The following IFT74 variants were observed in gnomAD, a reference collection of about 807,000 sequenced individuals.
The protein encoded by IFT74 is intraflagellar transport 74, also known as intraflagellar transport protein 74 homolog.
Under a neutral mutation model 96.7 loss-of-function variants are expected in IFT74, and 92 were observed. The observed-to-expected ratio is 0.95, with a 90% CI of 0.80 to 1.13. IFT74 has a LOEUF of 1.13. Ranked by LOEUF, IFT74 falls within the 50% of genes most tolerant of loss-of-function variation. IFT74 has a pLI of 0.00. For missense variants in IFT74, 811 were observed against 698.2 expected (o/e 1.16, Z -1.82); for synonymous variants, 223 against 213.2 (o/e 1.05, Z -0.40).
intron 1 of IFT74, among the ~76,000 whole-genome samples, chr9:26,960,216 G>A (rs1480008885): frequency 6.6e-6 from 1 of 151,468 alleles, no homozygotes; most frequent in Admixed American, 6.6e-5. Flanking sequence ...TGCTTTCTGG[G>A]CCTTAATTTT....
At chr9:27,048,012 T>G (rs768634907) in intron 15 of IFT74, 136 bp from the exon 16 acceptor site, 5 of 484,998 alleles carry the variant, frequency 1.0e-5, no homozygotes, top group Admixed American at 8.2e-5. Context: ...CTATACAATA[T>G]ATAACTTGAA....
rs754447168 is a variant in IFT74 at position 26,980,623 on chromosome 9, T to G, written c.305+4T>G. 6.3e-7 allele frequency: 1 copy of G among 1,575,618 alleles called. No individual in the cohort carries two copies. The highest frequency in any genetic ancestry group is 1.7e-5 in the Admixed American group (1 of 59,378). On this transcript the variant is annotated splice_donor_region_variant and intron_variant, in intron 4 of 19. Coordinates refer to ENST00000380062, the MANE Select transcript of IFT74 (RefSeq NM_025103.4). The stretch of plus-strand genomic sequence containing the variant: ...CTTACTATCTTGGGCTTCTTAGGTA[T>G]GTTAAACATATCTTTTCATCCGTAT...
At chr9:27,027,377 C>T (rs1239077047) in intron 12 of IFT74, among the ~76,000 whole-genome samples, 1 of 151,930 alleles carries the variant, frequency 6.6e-6, no homozygotes, top group Non-Finnish European at 1.5e-5. Flanking sequence ...TGAATTCTAT[C>T]AGACTTTCAA....
At chr9:26,995,596 A>G (rs1465299988) in intron 8 of IFT74, 1 of 1,605,538 alleles carries the variant, frequency 6.2e-7, no homozygotes, top group African/African-American at 1.3e-5. Context: ...CCACAAATGA[A>G]TGTAATTGTT....
chr9:27,058,591 T>C (rs997634606), intron 18 of IFT74, among the ~76,000 whole-genome samples: 1 of 152,128 alleles, frequency 6.6e-6, no homozygotes, highest in Non-Finnish European at 1.5e-5. Context: ...TTTCACCTTG[T>C]TGGCCAGGCT....
chr9:26,998,759 G>A (rs1203744699), intron 8 of IFT74, among the ~76,000 whole-genome samples: 2 of 151,674 alleles, frequency 1.3e-5, no homozygotes, highest in African/African-American at 4.8e-5. Context: ...TGAGGCAGGC[G>A]GGTTACCTGA....
chr9:26,972,701 AT>A (rs968269760), intron 2 of IFT74, among the ~76,000 whole-genome samples: 90 of 152,214 alleles, frequency 5.9e-4, no homozygotes, highest in Non-Finnish European at 1.0e-3. Flanking sequence ...AATCCTAAAA[AT>A]TTTTTTGGTT....
At chr9:26,954,850 T>C (rs1826030035), upstream of IFT74, among the ~76,000 whole-genome samples, 1 of 145,826 alleles carries the variant, frequency 6.9e-6, no homozygotes, top group Non-Finnish European at 1.6e-5. Context: ...CAATTTGATA[T>C]AACCTTAAAA....
At chr9:27,048,446 C>G (rs1819788773) in intron 16 of IFT74, among the ~76,000 whole-genome samples, 172 bp downstream of exon 16, 1 of 152,120 alleles carries the variant, frequency 6.6e-6, no homozygotes, top group Non-Finnish European at 1.5e-5. Context: ...TATATTGTCA[C>G]TGATTTAACA....
chr9:26,982,705 T>A (rs777566794), intron 4 of IFT74, among the ~76,000 whole-genome samples: 7 of 152,116 alleles, frequency 4.6e-5, no homozygotes, highest in Non-Finnish European at 1.0e-4. Flanking sequence ...TCTGCCCACC[T>A]TGGCCTCTTA....
chr9:26,989,877 A>G (rs902207695), intron 7 of IFT74, among the ~76,000 whole-genome samples: 4 of 152,174 alleles, frequency 2.6e-5, no homozygotes, highest in African/African-American at 9.6e-5. Context: ...TTGAATTTAC[A>G]TTGAATTATT....
chr9:26,986,295 G>C (rs986848051), intron 6 of IFT74, among the ~76,000 whole-genome samples: 3 of 149,490 alleles, frequency 2.0e-5, no homozygotes, highest in African/African-American at 4.9e-5. Context: ...TGGTGGTGGT[G>C]GTGGGTTTTG....
chr9:27,059,471 A>G (rs1196969747), intron 18 of IFT74, among the ~76,000 whole-genome samples: 1 of 152,212 alleles, frequency 6.6e-6, no homozygotes, highest in Non-Finnish European at 1.5e-5. Flanking sequence ...TGTAGCACTT[A>G]ACAGGTCTGA....
chr9:27,052,529 AAGT>A (rs1344345015), intron 16 of IFT74, among the ~76,000 whole-genome samples: 1 of 151,114 alleles, frequency 6.6e-6, no homozygotes. Context: ...AAAAAAAAAA[AAGT>A]AGTCATTATG....
At chr9:26,980,258 A>T (rs1827310803) in intron 3 of IFT74, among the ~76,000 whole-genome samples, 1 of 152,166 alleles carries the variant, frequency 6.6e-6, no homozygotes, top group Admixed American at 6.5e-5. Context: ...TCACTGCAGA[A>T]AGTTACTCTG....
At chr9:26,973,698 C>T (rs1203533863) in intron 2 of IFT74, among the ~76,000 whole-genome samples, 1 of 152,120 alleles carries the variant, frequency 6.6e-6, no homozygotes, top group East Asian at 1.9e-4. Flanking sequence ...TTGTATTTTC[C>T]AAGATTTTTG....
At chr9:27,000,605 C>T (rs1828430755) in intron 8 of IFT74, among the ~76,000 whole-genome samples, 1 of 152,040 alleles carries the variant, frequency 6.6e-6, no homozygotes, top group Non-Finnish European at 1.5e-5. Flanking sequence ...TTGGGATATC[C>T]AACACGTTAA....
Position 26,970,656 on chromosome 9 carries a change from T to C in IFT74, c.121-7472T>C, listed in dbSNP as rs146031697. Among the ~76,000 whole-genome samples the C allele has an allele frequency of 8.7e-3, 1,321 of 152,334 alleles. 17 individuals are homozygous for C. The highest frequency in any genetic ancestry group is 0.03 in the African/African-American group (1,229 of 41,584). ...TCAGAACATTTACCAGGAAGAGATATAACATTGTCTTCTAAAGATCACTCG... is the reference window on the plus strand; with the variant it reads ...TCAGAACATTTACCAGGAAGAGATACAACATTGTCTTCTAAAGATCACTCG... On this transcript the variant is annotated intron_variant, in intron 2 of 19. Transcript: ENST00000380062.
chr9:26,962,454 A>G (rs1415114850), intron 2 of IFT74, among the ~76,000 whole-genome samples: 2 of 152,214 alleles, frequency 1.3e-5, no homozygotes, highest in African/African-American at 4.8e-5. Context: ...TTTTAGTTGA[A>G]TAGTGTATTG....
Sources: gnomAD v4.1 joint callset for allele counts (sites outside exome capture counted in the v4.1 genomes callset) on GRCh38, gnomAD v4.1.1 for gene constraint, MANE v1.5 for transcripts, NCBI Gene and HGNC (gene_info 2026-07-23, HGNC 2026-07-21) for gene names.